The following DZIP1L variants were observed in gnomAD, a reference collection of about 807,000 sequenced individuals.
The protein encoded by DZIP1L is cilium assembly protein DZIP1L.
Under a neutral mutation model 88.7 loss-of-function variants are expected in DZIP1L, and 90 were observed. That is an observed-to-expected ratio of 1.02 (90% CI 0.86 to 1.21). The LOEUF is 1.21. DZIP1L is among the 50% of genes most tolerant of loss of function. DZIP1L has a pLI of 0.00. For missense variants in DZIP1L, 932 were observed against 955.8 expected, an observed-to-expected ratio of 0.98 and a Z score of 0.33; for synonymous variants, 363 against 372.1, an observed-to-expected ratio of 0.98 and a Z score of 0.28.
chr3:138,100,018 C>A (rs1165974552), intron 2 of DZIP1L, among the ~76,000 whole-genome samples: 1 of 152,026 alleles, frequency 6.6e-6, no homozygotes, highest in Non-Finnish European at 1.5e-5. Context: ...TTTCTGGTGA[C>A]CAACCCCCAT....
chr3:138,095,281 C>T (rs1944416758), intron 3 of DZIP1L, among the ~76,000 whole-genome samples: 1 of 151,910 alleles, frequency 6.6e-6, no homozygotes. Context: ...TGTACTGTCA[C>T]TTAAAATAAG....
intron 9 of DZIP1L, among the ~76,000 whole-genome samples, chr3:138,081,056 C>T (rs534407872): frequency 5.3e-5 from 8 of 152,192 alleles, no homozygotes; most frequent in African/African-American, 9.6e-5. Context: ...ACTGGCTACA[C>T]GGCTGGGAAG....
intron 5 of DZIP1L, among the ~76,000 whole-genome samples, chr3:138,091,597 G>A (rs778034630): frequency 8.9e-4 from 116 of 130,964 alleles, no homozygotes; most frequent in East Asian, 4.6e-3. Context: ...CAGCCTGGGC[G>A]ACACAGCGAG....
chr3:138,070,279 C>T (rs77737163), intron 12 of DZIP1L, among the ~76,000 whole-genome samples: 1,754 of 152,106 alleles, frequency 0.012, 35 homozygotes, highest in African/African-American at 0.039. Context: ...AATGAGTGGG[C>T]AAATGAATGA....
At chr3:138,068,464 C>G in intron 12 of DZIP1L, 97 bp from the exon 13 acceptor site, 1 of 858,744 alleles carries the variant, frequency 1.2e-6, no homozygotes, top group Non-Finnish European at 1.7e-6. Flanking sequence ...TGGAAATGAA[C>G]AATTACTCCC....
chr3:138,088,369 A>G lies in DZIP1L; in HGVS notation c.999+10T>C. The G allele has an allele frequency of 4.4e-6, 7 of 1,609,044 alleles. No homozygotes were observed. The highest frequency in any genetic ancestry group is 5.9e-6 in the Non-Finnish European group (7 of 1,177,838). ...TCCTCTGGGAAGAAAGGCATGGAGC[A>G]TCAGCTCACCTGAATTTCTGTCTTC... On this transcript the variant is annotated intron_variant, in intron 6 of 15. Transcript: ENST00000327532.
At chr3:138,095,008 T>G (rs746543212) in intron 3 of DZIP1L, 25 bp from the exon 4 acceptor site, 1 of 1,613,928 alleles carries the variant, frequency 6.2e-7, no homozygotes. Flanking sequence ...CAAAGACAGG[T>G]GACCAGTTTA....
intron 1 of DZIP1L, among the ~76,000 whole-genome samples, chr3:138,104,932 A>G (rs746223795): frequency 6.6e-6 from 1 of 152,238 alleles, no homozygotes; most frequent in Non-Finnish European, 1.5e-5. Context: ...CTACAAACTC[A>G]TATGTACAAA....
chr3:138,103,504 C>T lies in DZIP1L; in HGVS notation c.468G>A (p.Leu156=). ...AGCTGTGGGTGCCTGTCTGCATTAGCAGCTGCTGCAGGGTGCTGATCATCT... is the reference window on the plus strand; with the variant it reads ...AGCTGTGGGTGCCTGTCTGCATTAGTAGCTGCTGCAGGGTGCTGATCATCT... ...RRKMISTLQQ[L]LMQTGTHSYH... The change falls in exon 2 of 16, where the codon CTG becomes CTA. Residue 156 remains leucine (L), a synonymous_variant. Transcript: ENST00000327532. 3 of 1,608,126 alleles carry T rather than the reference C, an allele frequency of 1.9e-6. No individual in the cohort carries two copies. Among genetic ancestry groups the T allele is most frequent in the Non-Finnish European group, 1.7e-6 (2 of 1,176,770 alleles).
chr3:138,109,652 A>T (rs1280517479), intron 1 of DZIP1L, among the ~76,000 whole-genome samples: 1 of 152,238 alleles, frequency 6.6e-6, no homozygotes, highest in Non-Finnish European at 1.5e-5. Flanking sequence ...ATAAAGATAC[A>T]TGCACACATA....
At chr3:138,069,179 G>A (rs563444869) in intron 12 of DZIP1L, 6 of 679,520 alleles carry the variant, frequency 8.8e-6, no homozygotes, top group African/African-American at 7.0e-5. Flanking sequence ...TCAACACAAA[G>A]ATAACAAGGA....
At position 138,086,942 on chromosome 3, in the gene DZIP1L, A is replaced by T. The variant is rs372300416; in HGVS notation, c.1062+19T>A. ...GTCACAGGAAACCAAGCTCCCCGAG[A>T]TCACCCAACAAAAGCTACCTCTTTC... is the stretch of plus-strand genomic sequence containing the variant. On this transcript the variant is annotated intron_variant, in intron 7 of 15. Coordinates refer to ENST00000327532, the MANE Select transcript of DZIP1L (RefSeq NM_173543.3). The T allele has an allele frequency of 3.1e-6, 5 of 1,613,332 alleles. No homozygotes were observed. Among genetic ancestry groups the T allele is most frequent in the Non-Finnish European group, 4.2e-6 (5 of 1,179,788 alleles).
intron 11 of DZIP1L, among the ~76,000 whole-genome samples, chr3:138,073,281 A>G (rs1044646415): frequency 6.6e-6 from 1 of 152,150 alleles, no homozygotes; most frequent in African/African-American, 2.4e-5. Context: ...CTAAACAAAC[A>G]AAAAGAAAAA....
chr3:138,097,621 A>C (rs1197780317), intron 3 of DZIP1L, 142 bp downstream of exon 3: 2 of 740,832 alleles, frequency 2.7e-6, no homozygotes, highest in East Asian at 5.5e-5. Context: ...CCGGTGGTGG[A>C]TGGTGGGATC....
chr3:138,068,038 ATG>A, intron 13 of DZIP1L, 111 bp downstream of exon 13: 1 of 974,086 alleles, frequency 1.0e-6, no homozygotes, highest in Non-Finnish European at 1.4e-6. Flanking sequence ...TTCTATTCAC[ATG>A]TGTCTGCCCC....
At chr3:138,064,351 G>A (rs961131722) in intron 15 of DZIP1L, 125 of 1,274,114 alleles carry the variant, frequency 9.8e-5, no homozygotes, top group Non-Finnish European at 1.1e-4. Flanking sequence ...AGTCAGCTCC[G>A]AAGCTCTCCG....
intron 11 of DZIP1L, among the ~76,000 whole-genome samples, chr3:138,074,657 C>T (rs937856496): frequency 2.0e-5 from 3 of 148,500 alleles, no homozygotes; most frequent in African/African-American, 7.5e-5. Flanking sequence ...TATACAGAAA[C>T]AAATCCATGA....
Position 138,062,866 on chromosome 3 carries a change from A to G in DZIP1L, c.2254T>C (p.Phe752Leu), listed in dbSNP as rs1942753299. 5 of 1,614,002 alleles carry G rather than the reference A, an allele frequency of 3.1e-6. No homozygotes were observed. The highest frequency in any genetic ancestry group is 4.2e-6 in the Non-Finnish European group (5 of 1,180,050). Reference protein sequence around the residue: ...PLSRSKLPEKFGTGPQSSGQP... With the variant: ...PLSRSKLPEKLGTGPQSSGQP... ...CCAGAGCTCTGTGGACCAGTGCCAA[A>G]CTTCTCTGGGAGCTTTGAGCGAGAC... Residue 752 changes from phenylalanine (F) to leucine (L), a missense_variant, in exon 16 of 16, where the codon TTT (phenylalanine) becomes CTT (leucine). Physicochemically the swap from Phe to Leu is conservative, Grantham distance 22. Coordinates refer to ENST00000327532, the MANE Select transcript of DZIP1L (RefSeq NM_173543.3).
At chr3:138,090,578 G>T (rs117949200) in intron 5 of DZIP1L, among the ~76,000 whole-genome samples, 1 of 152,248 alleles carries the variant, frequency 6.6e-6, no homozygotes, top group East Asian at 1.9e-4. Flanking sequence ...CCCCACCCCA[G>T]TGCACACAGA....
Sources: allele counts gnomAD v4.1 joint callset (sites outside exome capture counted in the v4.1 genomes callset), GRCh38; gene constraint gnomAD v4.1.1; transcripts MANE v1.5; gene names NCBI Gene and HGNC (gene_info 2026-07-23, HGNC 2026-07-21).